DNAH5: variants seen among roughly 807,000 people sequenced by gnomAD.
DNAH5 encodes dynein axonemal heavy chain 5.
A neutral mutation model predicts 518.2 loss-of-function variants in DNAH5; 372 were observed. The ratio of observed to expected loss-of-function variants is 0.72; its 90% CI spans 0.66 to 0.78. The LOEUF is 0.78. DNAH5 is among the 30% of genes least tolerant of loss of function. The probability of loss-of-function intolerance (pLI) is 0.00; values close to 1 mark genes in which losing one functional copy is unlikely to be tolerated. For synonymous variants in DNAH5, 2,039 were observed against 2,025.9 expected, an observed-to-expected ratio of 1.01 and a Z score of -0.17; for missense variants, 5,523 against 5,687.0, an observed-to-expected ratio of 0.97 and a Z score of 0.93.
chr5:13,944,092 A>G (rs1779706473), intron 1 of DNAH5, among the ~76,000 whole-genome samples: 1 of 152,244 alleles, frequency 6.6e-6, no homozygotes, highest in Non-Finnish European at 1.5e-5. Context: ...CCAAACCACT[A>G]TGAATGTGTT....
chr5:13,785,244 G>A (rs1406487186), intron 52 of DNAH5, among the ~76,000 whole-genome samples: 1 of 151,564 alleles, frequency 6.6e-6, no homozygotes, highest in Admixed American at 6.6e-5. Flanking sequence ...TCACAACAGG[G>A]TTCGGGCTCC....
At chr5:13,733,354 C>T (rs1298996964) in intron 68 of DNAH5, among the ~76,000 whole-genome samples, 1 of 152,132 alleles carries the variant, frequency 6.6e-6, no homozygotes, top group Non-Finnish European at 1.5e-5. Context: ...ACACTCTCTT[C>T]AAAGTTATTT....
intron 50 of DNAH5, among the ~76,000 whole-genome samples, chr5:13,789,792 G>A (rs1756657725): frequency 6.6e-6 from 1 of 152,116 alleles, no homozygotes; most frequent in Non-Finnish European, 1.5e-5. Context: ...CCATTGACTT[G>A]TAAATAACTT....
intron 52 of DNAH5, among the ~76,000 whole-genome samples, chr5:13,785,273 C>T (rs1165970541): frequency 2.6e-5 from 4 of 151,904 alleles, no homozygotes; most frequent in East Asian, 1.9e-4. Context: ...TCTAATGCCA[C>T]TGGAGGCAGA....
intron 58 of DNAH5, among the ~76,000 whole-genome samples, chr5:13,766,427 T>A (rs1752523293): frequency 6.6e-6 from 1 of 152,196 alleles, no homozygotes; most frequent in Non-Finnish European, 1.5e-5. Context: ...CTGTGACTTC[T>A]CTAAAAGTGC....
At chr5:13,862,931 C>T (rs1768694439) in intron 28 of DNAH5, among the ~76,000 whole-genome samples, 184 bp from the exon 29 acceptor site, 1 of 151,430 alleles carries the variant, frequency 6.6e-6, no homozygotes, top group South Asian at 2.1e-4. Flanking sequence ...GATACTGATG[C>T]ATGAAGAGAG....
chr5:13,855,634 G>T (rs1303738737), intron 30 of DNAH5, among the ~76,000 whole-genome samples: 1 of 152,060 alleles, frequency 6.6e-6, no homozygotes, highest in Non-Finnish European at 1.5e-5. Context: ...CTCAGCTCTG[G>T]ACCAAGCGGA....
chr5:13,959,003 G>C (rs1266427787), intron 1 of DNAH5, among the ~76,000 whole-genome samples: 1 of 152,162 alleles, frequency 6.6e-6, no homozygotes, highest in Non-Finnish European at 1.5e-5. Context: ...CTGTCACCCA[G>C]GCTGGAGTGC....
At chr5:13,712,624 G>GAA (rs1427323947) in intron 75 of DNAH5, among the ~76,000 whole-genome samples, 2 of 151,772 alleles carry the variant, frequency 1.3e-5, no homozygotes, top group African/African-American at 4.8e-5. Flanking sequence ...AAATCAGTAA[G>GAA]AAAAAAACAA....
At chr5:13,998,565 G>T (rs1191835040) in intron 1 of DNAH5, among the ~76,000 whole-genome samples, 6 of 152,148 alleles carry the variant, frequency 3.9e-5, no homozygotes, top group Non-Finnish European at 8.8e-5. Context: ...CCAACTCTAG[G>T]CTACCTATTC....
At chr5:13,905,343 T>TA (rs2151968539) in intron 12 of DNAH5, among the ~76,000 whole-genome samples, 1 of 152,302 alleles carries the variant, frequency 6.6e-6, no homozygotes, top group African/African-American at 2.4e-5. Flanking sequence ...TGGGTTGTTA[T>TA]AAAAAACGAG....
chr5:13,700,818 A>G lies in DNAH5; in HGVS notation c.13545T>C (p.Asn4515=), dbSNP rs758960542. ...CGTCCTTCATCCATTTGGTGACTTC[A>G]TTGCAAAGCACCATATTGTCCAGAG... ...GWALDNMVLC[N]EVTKWMKDDI... is the part of the protein sequence containing the mutation. The change falls in exon 78 of 79, where the codon AAT becomes AAC. Residue 4515 remains asparagine, a synonymous_variant. Coordinates refer to ENST00000265104, the MANE Select transcript of DNAH5 (RefSeq NM_001369.3). The G allele has an allele frequency of 6.2e-7, 1 of 1,614,164 alleles. No individual in the cohort carries two copies. Among genetic ancestry groups the G allele is most frequent in the East Asian group, 2.2e-5 (1 of 44,876 alleles).
intron 61 of DNAH5, among the ~76,000 whole-genome samples, chr5:13,755,000 G>A (rs1750793447): frequency 6.6e-6 from 1 of 151,978 alleles, no homozygotes; most frequent in Admixed American, 6.5e-5. Flanking sequence ...AAATTAGCTG[G>A]GCGTGGTGGC....
At chr5:13,839,915 A>G (rs1368703482) in intron 34 of DNAH5, among the ~76,000 whole-genome samples, 1 of 152,220 alleles carries the variant, frequency 6.6e-6, no homozygotes, top group African/African-American at 2.4e-5. Context: ...CTCATTAGGA[A>G]AAAGACATCT....
chr5:13,927,268 T>TCCAC (rs1269373337), intron 3 of DNAH5, among the ~76,000 whole-genome samples: 4 of 152,146 alleles, frequency 2.6e-5, no homozygotes, highest in South Asian at 2.1e-4. Flanking sequence ...CCGAGGTGGG[T>TCCAC]GGATCACAAG....
chr5:13,828,981 T>C (rs1002846874), intron 38 of DNAH5, among the ~76,000 whole-genome samples: 6 of 152,232 alleles, frequency 3.9e-5, no homozygotes, highest in Non-Finnish European at 7.3e-5. Context: ...ATGACTATTA[T>C]GCAGCAATAG....
chr5:13,974,920 G>T (rs1462798916), intron 1 of DNAH5, among the ~76,000 whole-genome samples: 1 of 152,178 alleles, frequency 6.6e-6, no homozygotes, highest in African/African-American at 2.4e-5. Context: ...GGCCAGGGCA[G>T]CCCTATAGCA....
At chr5:13,810,462 C>T (rs1760474794) in intron 44 of DNAH5, 7 of 624,062 alleles carry the variant, frequency 1.1e-5, no homozygotes, top group East Asian at 2.9e-5. Flanking sequence ...TAGGGTTGGC[C>T]GGGCACGGTG....
At chr5:13,930,020 C>T (rs1236001983) in intron 2 of DNAH5, among the ~76,000 whole-genome samples, 2 of 152,112 alleles carry the variant, frequency 1.3e-5, no homozygotes, top group Non-Finnish European at 2.9e-5. Flanking sequence ...AGAACAGGGA[C>T]CGACACATGG....
Sources: gnomAD v4.1 joint callset for allele counts (sites outside exome capture counted in the v4.1 genomes callset) on GRCh38, gnomAD v4.1.1 for gene constraint, MANE v1.5 for transcripts, NCBI Gene and HGNC (gene_info 2026-07-23, HGNC 2026-07-21) for gene names.